The following FAM185A variants were observed in gnomAD, a reference collection of about 807,000 sequenced individuals.
FAM185A encodes family with sequence similarity 185 member A.
FAM185A carries 21 observed loss-of-function variants against 45.7 expected under a neutral mutation model. The observed-to-expected ratio is 0.46, with a 90% confidence interval of 0.33 to 0.66. The LOEUF is 0.66. FAM185A is among the 30% of genes least tolerant of loss of function. The probability of loss-of-function intolerance (pLI) is 0.03; values close to 1 mark genes in which losing one functional copy is unlikely to be tolerated. For missense variants in FAM185A, 305 were observed against 485.4 expected (o/e 0.63, Z 3.49); for synonymous variants, 117 against 194.0 (o/e 0.60, Z 3.30).
the FAM185A span, among the ~76,000 whole-genome samples, chr7:102,829,260 T>C: frequency 6.6e-6 from 1 of 152,326 alleles, no homozygotes; most frequent in South Asian, 2.1e-4. Flanking sequence ...TTGCTGCCTA[T>C]CTGTAAGTAA....
At chr7:102,754,072 G>C (rs1359116644) in intron 2 of FAM185A, among the ~76,000 whole-genome samples, 1 of 152,116 alleles carries the variant, frequency 6.6e-6, no homozygotes, top group Non-Finnish European at 1.5e-5. Flanking sequence ...GAACACTTTG[G>C]TAAAATATCT....
intron 3 of FAM185A, among the ~76,000 whole-genome samples, chr7:102,760,175 C>A (rs1340086004): frequency 1.3e-5 from 2 of 151,972 alleles, no homozygotes; most frequent in South Asian, 2.1e-4. Flanking sequence ...ACAGTACTTC[C>A]TTAAAACTTG....
intron 2 of FAM185A, among the ~76,000 whole-genome samples, chr7:102,754,187 C>T (rs1793540887): frequency 6.8e-6 from 1 of 147,194 alleles, no homozygotes; most frequent in Non-Finnish European, 1.5e-5. Flanking sequence ...ATATAGTTGA[C>T]CTACATAATA....
At chr7:102,811,965 C>A (rs1353185903), downstream of FAM185A, among the ~76,000 whole-genome samples, 1 of 152,196 alleles carries the variant, frequency 6.6e-6, no homozygotes, top group East Asian at 1.9e-4. Flanking sequence ...TATAATAATA[C>A]TTTGTACAAT....
At chr7:102,828,274 A>G in the FAM185A span, among the ~76,000 whole-genome samples, 2 of 152,068 alleles carry the variant, frequency 1.3e-5, no homozygotes, top group African/African-American at 4.8e-5. Flanking sequence ...AGTGGTTTGT[A>G]GTTCTCCTTG....
chr7:102,758,845 A>G (rs1793939293), intron 3 of FAM185A, among the ~76,000 whole-genome samples: 1 of 127,618 alleles, frequency 7.8e-6, no homozygotes, highest in African/African-American at 2.9e-5. Context: ...CAAATTTGCT[A>G]TATTCCATGG....
chr7:102,816,640 G>A, the FAM185A span, among the ~76,000 whole-genome samples: 1 of 152,152 alleles, frequency 6.6e-6, no homozygotes, highest in Non-Finnish European at 1.5e-5. Context: ...TAGATTCAGG[G>A]TGTACACGTG....
the FAM185A span, among the ~76,000 whole-genome samples, chr7:102,817,157 A>G: frequency 2.0e-5 from 3 of 152,280 alleles, no homozygotes; most frequent in Admixed American, 1.3e-4. Flanking sequence ...TGGTAATTCT[A>G]TTTTAGTTCT....
chr7:102,847,371 A>G, the FAM185A span, among the ~76,000 whole-genome samples: 6 of 152,364 alleles, frequency 3.9e-5, no homozygotes, highest in Admixed American at 1.3e-4. Context: ...CTTGACAGCT[A>G]GTCCCACATT....
At chr7:102,764,156 C>G (rs1794253923) in intron 4 of FAM185A, among the ~76,000 whole-genome samples, 1 of 151,314 alleles carries the variant, frequency 6.6e-6, no homozygotes, top group Admixed American at 6.6e-5. Flanking sequence ...TGTAGAAAAG[C>G]TTCCATGTTC....
At chr7:102,849,832 A>G in the FAM185A span, among the ~76,000 whole-genome samples, 4 of 152,130 alleles carry the variant, frequency 2.6e-5, no homozygotes, top group African/African-American at 9.7e-5. Context: ...ACGTACCAAA[A>G]GCAGGGAGGA....
rs539228665 is a variant in FAM185A at position 102,782,152 on chromosome 7, A to G, written c.931+4804A>G. 1.1e-4 allele frequency among the ~76,000 whole-genome samples: 16 copies of G among 152,344 alleles called. 1 individual carries two copies. The South Asian group carries it at 3.3e-3, about 32-fold the overall frequency. The stretch of plus-strand genomic sequence containing the variant: ...CCTCCAAGAAATATGGGACTATGTG[A>G]AAAGACCAAATCTACATCTGATTGG... On this transcript the variant is annotated intron_variant, in intron 6 of 7. Transcript: ENST00000413034.
chr7:102,764,408 T>C (rs1236594106), intron 4 of FAM185A, among the ~76,000 whole-genome samples: 1 of 142,062 alleles, frequency 7.0e-6, no homozygotes, highest in African/African-American at 2.7e-5. Flanking sequence ...TAGTCTGGGG[T>C]TTGGGATGGG....
intron 7 of FAM185A, among the ~76,000 whole-genome samples, chr7:102,790,728 C>T (rs1450675842): frequency 6.6e-6 from 1 of 152,200 alleles, no homozygotes; most frequent in Non-Finnish European, 1.5e-5. Flanking sequence ...TACATGCAGA[C>T]CTGATCTCTA....
Position 102,808,506 on chromosome 7 carries a change from G to A in FAM185A, c.*104G>A, listed in dbSNP as rs886440249. The A allele has an allele frequency of 1.3e-6, 1 of 752,420 alleles. No individual in the cohort carries two copies. The highest frequency in any genetic ancestry group is 2.2e-6 in the Non-Finnish European group (1 of 444,818). The allele number at this position is 752,420 out of a possible 1,614,324, so 46.6% of individuals were successfully genotyped here. Reference sequence around the variant, plus strand: ...ATATAAAGGTTGAAAACAACAAATTGAGAATGAATACTGGTGAACTGTTTT... The same window carrying A: ...ATATAAAGGTTGAAAACAACAAATTAAGAATGAATACTGGTGAACTGTTTT... On this transcript the variant is annotated 3_prime_UTR_variant, in exon 8 of 8. Transcript: ENST00000413034.
the FAM185A span, among the ~76,000 whole-genome samples, chr7:102,849,741 C>A: frequency 6.6e-6 from 1 of 151,916 alleles, no homozygotes; most frequent in Non-Finnish European, 1.5e-5. Context: ...CTGGAGGAGG[C>A]AAGGGGAAAG....
the FAM185A span, among the ~76,000 whole-genome samples, chr7:102,847,499 G>T: frequency 6.6e-6 from 1 of 151,960 alleles, no homozygotes; most frequent in Non-Finnish European, 1.5e-5. Context: ...AGACAAAAAG[G>T]TAATTCTTTA....
chr7:102,755,994 A>C, intron 2 of FAM185A: 1 of 389,234 alleles, frequency 2.6e-6, no homozygotes, highest in Non-Finnish European at 4.6e-6. Context: ...TTAAAAAATA[A>C]AAAAAAGTGC....
intron 4 of FAM185A, among the ~76,000 whole-genome samples, chr7:102,762,008 C>T (rs930833368): frequency 6.6e-6 from 1 of 152,050 alleles, no homozygotes; most frequent in Non-Finnish European, 1.5e-5. Context: ...GAAATACATG[C>T]AGGAGATGAA....
Sources: gnomAD v4.1 joint callset for allele counts (sites outside exome capture counted in the v4.1 genomes callset) on GRCh38, gnomAD v4.1.1 for gene constraint, MANE v1.5 for transcripts, NCBI Gene and HGNC (gene_info 2026-07-23, HGNC 2026-07-21) for gene names.